Variants in MPDZ observed in about 807,000 individuals in gnomAD.
MPDZ encodes multiple PDZ domain protein.
A neutral mutation model predicts 239.1 loss-of-function variants in MPDZ; 234 were observed. The ratio of observed to expected loss-of-function variants is 0.98; its 90% CI spans 0.88 to 1.09. The LOEUF (loss-of-function observed/expected upper bound fraction) is 1.09. MPDZ is among the 50% of genes least tolerant of loss of function. The pLI is 0.00. For synonymous variants in MPDZ, 1,048 were observed against 881.3 expected, an observed-to-expected ratio of 1.19 and a Z score of -3.35; for missense variants, 3,175 against 2,510.0, an observed-to-expected ratio of 1.26 and a Z score of -5.66.
rs1955649429 is a variant in MPDZ at position 13,196,361 on chromosome 9, T to C, written c.1547-131A>G. The C allele has an allele frequency of 7.9e-6, 4 of 507,844 alleles. No homozygotes were observed. In the East Asian group the frequency reaches 1.2e-4, roughly 16 times the overall value. 31.5% of individuals were successfully genotyped at this position (507,844 alleles called of 1,614,324 possible). A position where few individuals can be genotyped will look rare whatever the true frequency, so the allele number is the denominator to read the frequency against. On this transcript the variant is annotated intron_variant, in intron 12 of 46. Coordinates refer to ENST00000319217, the MANE Select transcript of MPDZ (RefSeq NM_001378778.1). ...ACTCTTCGCCCAATATATGGGCTAT[T>C]CTCATCTCCATAATTATTTAAATAC...
intron 12 of MPDZ, among the ~76,000 whole-genome samples, chr9:13,197,651 A>G (rs114671102): frequency 0.012 from 1,826 of 152,182 alleles, 41 homozygotes; most frequent in African/African-American, 0.041. Flanking sequence ...GACATACACA[A>G]TAAGTTATTA....
At position 13,162,722 on chromosome 9, in the gene MPDZ, C is replaced by T. The variant is rs765728213; in HGVS notation, c.3328G>A (p.Ala1110Thr). 4.3e-6 allele frequency: 7 copies of T among 1,610,622 alleles called. No homozygotes were observed. The highest frequency in any genetic ancestry group is 3.3e-5 in the Admixed American group (2 of 59,842). ...SLGQQSGRVM[A>T]LDIFSSYTGR... ...GTGTATGAAGAAAAAATATCCAGTG[C>T]CATTACTCTTCCAGATTGTTGTCCC... Residue 1110 changes from alanine (A) to threonine (T), a missense_variant, in exon 23 of 47, where the codon GCA (alanine) becomes ACA (threonine). Coordinates refer to ENST00000319217, the MANE Select transcript of MPDZ (RefSeq NM_001378778.1).
At chr9:13,198,737 C>CTGTGTGTGTGTGTGTG (rs1554691393) in intron 12 of MPDZ, among the ~76,000 whole-genome samples, 51 of 69,706 alleles carry the variant, frequency 7.3e-4, no homozygotes, top group African/African-American at 1.9e-3. Flanking sequence ...ATCTCTCTCT[C>CTGTGTGTGTGTGTGTG]TGTGTGTGTG....
intron 19 of MPDZ, among the ~76,000 whole-genome samples, chr9:13,181,646 G>C (rs144501449): frequency 4.4e-4 from 67 of 152,218 alleles, no homozygotes; most frequent in African/African-American, 1.5e-3. Context: ...ACTGCTTGGG[G>C]AAAACAAAAT....
chr9:13,119,593 T>A lies in MPDZ; in HGVS notation c.5288A>T (p.Asp1763Val), dbSNP rs777844320. Residue 1763 changes from aspartate (D) to valine (V), a missense_variant, in exon 39 of 47, where the codon GAT (aspartate) becomes GTT (valine). By Grantham distance (152) the Asp-to-Val change is radical (BLOSUM62 -3). Coordinates refer to ENST00000319217, the MANE Select transcript of MPDZ (RefSeq NM_001378778.1). The stretch of plus-strand genomic sequence containing the variant: ...CTGGTCTCCCTGCATCAGTCTTCCA[T>A]CGGCATCTGCAATTCCTCCTTTGAC... ...DIVKGGIADA[D>V]GRLMQGDQIL... 6.2e-7 allele frequency: 1 copy of A among 1,613,904 alleles called. No individual in the cohort carries two copies. Among genetic ancestry groups the A allele is most frequent in the Non-Finnish European group, 8.5e-7 (1 of 1,179,884 alleles).
intron 1 of MPDZ, among the ~76,000 whole-genome samples, chr9:13,269,644 T>A (rs1972530449): frequency 6.6e-6 from 1 of 152,186 alleles, no homozygotes; most frequent in Non-Finnish European, 1.5e-5. Context: ...TAAAATCTGT[T>A]CACAATAAAA....
At chr9:13,247,594 T>C (rs1157782195) in intron 3 of MPDZ, 41 bp downstream of exon 3, 10 of 1,577,590 alleles carry the variant, frequency 6.3e-6, no homozygotes, top group Non-Finnish European at 6.9e-6. Flanking sequence ...ACAAGATCTA[T>C]GCCATGTCGT....
chr9:13,151,885 CT>C (rs1949220284), intron 24 of MPDZ, among the ~76,000 whole-genome samples: 1 of 119,994 alleles, frequency 8.3e-6, no homozygotes, highest in Non-Finnish European at 1.6e-5. Context: ...TAAGGTTTTA[CT>C]AGTAGTAAAA....
chr9:13,237,529 A>G (rs1043603990), intron 3 of MPDZ, among the ~76,000 whole-genome samples: 1 of 151,838 alleles, frequency 6.6e-6, no homozygotes, highest in African/African-American at 2.4e-5. Context: ...CACAGAAAAC[A>G]CTAATTTGAG....
chr9:13,238,481 G>A (rs187653438), intron 3 of MPDZ, among the ~76,000 whole-genome samples: 26 of 152,106 alleles, frequency 1.7e-4, no homozygotes, highest in Non-Finnish European at 2.5e-4. Flanking sequence ...CCCTTCTTTC[G>A]GATGCCTCTC....
chr9:13,193,721 G>T (rs528797115), intron 13 of MPDZ, among the ~76,000 whole-genome samples: 3 of 151,984 alleles, frequency 2.0e-5, no homozygotes, highest in African/African-American at 7.3e-5. Flanking sequence ...CAGAGACAAC[G>T]GTCTTTAAAA....
chr9:13,123,183 C>G lies in MPDZ; in HGVS notation c.4923G>C (p.Leu1641=). The G allele has an allele frequency of 6.2e-7, 1 of 1,612,134 alleles. No homozygotes were observed. The highest frequency in any genetic ancestry group is 8.5e-7 in the Non-Finnish European group (1 of 1,179,322). The change falls in exon 36 of 47, where the codon CTG becomes CTC. Residue 1641 remains leucine, a synonymous_variant. Coordinates refer to ENST00000319217, the MANE Select transcript of MPDZ (RefSeq NM_001378778.1). ...EISKGRTGLG[L]SIVGGSDTLL... Reference sequence around the variant, plus strand: ...GCGTGTCTGAACCCCCAACGATGCTCAGGCCCAGCCCTGTTCGCCCTTTGG... The same window carrying G: ...GCGTGTCTGAACCCCCAACGATGCTGAGGCCCAGCCCTGTTCGCCCTTTGG...
At chr9:13,219,938 C>T in intron 7 of MPDZ, among the ~76,000 whole-genome samples, 170 bp from the exon 8 acceptor site, 1 of 151,954 alleles carries the variant, frequency 6.6e-6, no homozygotes, top group East Asian at 1.9e-4. Flanking sequence ...ATCCTAACAT[C>T]ATTCAGTGTG....
chr9:13,204,380 G>C (rs1034607710), intron 12 of MPDZ, among the ~76,000 whole-genome samples: 2 of 152,096 alleles, frequency 1.3e-5, no homozygotes, highest in African/African-American at 4.8e-5. Context: ...TTGAGGTCAG[G>C]AGTTTGAGAT....
In MPDZ at chr9:13,236,195, A is replaced by ATGTGTG. The variant is rs1192512851; in HGVS notation, c.183+11439_183+11440insCACACA. Among the ~76,000 whole-genome samples the ATGTGTG allele has an allele frequency of 5.1e-4, 24 of 47,190 alleles. No homozygotes were observed. The East Asian group carries it at 0.023, about 46-fold the overall frequency. The allele number at this position is 47,190 out of a possible 152,430, so 31.0% of individuals were successfully genotyped here. Reference sequence around the variant, plus strand: ...GTTTTGTGTGTGTGTGTTTCTGTATATATGTGTGTGTGTGTGTGTGTGTGT... The same window carrying ATGTGTG: ...GTTTTGTGTGTGTGTGTTTCTGTATATGTGTGTATGTGTGTGTGTGTGTGTGTGTGT... On this transcript the variant is annotated intron_variant, in intron 3 of 46. Coordinates refer to ENST00000319217, the MANE Select transcript of MPDZ (RefSeq NM_001378778.1).
At chr9:13,238,789 G>C (rs936958964) in intron 3 of MPDZ, among the ~76,000 whole-genome samples, 2 of 151,832 alleles carry the variant, frequency 1.3e-5, no homozygotes, top group African/African-American at 4.8e-5. Flanking sequence ...AACTAAAACA[G>C]CAAATCCAAA....
chr9:13,185,009 G>A (rs1033097509), intron 18 of MPDZ, among the ~76,000 whole-genome samples: 4 of 151,890 alleles, frequency 2.6e-5, no homozygotes, highest in Non-Finnish European at 2.9e-5. Context: ...CTATTTCGTC[G>A]GGTACTTTAG....
intron 46 of MPDZ, among the ~76,000 whole-genome samples, chr9:13,108,096 A>T (rs1287240289): frequency 6.6e-6 from 1 of 152,154 alleles, no homozygotes; most frequent in Admixed American, 6.5e-5. Flanking sequence ...AAATATCCAT[A>T]AAGAACTATA....
chr9:13,237,088 CTTG>C (rs529904864), intron 3 of MPDZ, among the ~76,000 whole-genome samples: 16 of 152,138 alleles, frequency 1.1e-4, no homozygotes, highest in Admixed American at 4.6e-4. Flanking sequence ...TACAGTAAAA[CTTG>C]TTAATTTTAT....
Sources: gnomAD v4.1 joint callset for allele counts (sites outside exome capture counted in the v4.1 genomes callset) on GRCh38, gnomAD v4.1.1 for gene constraint, MANE v1.5 for transcripts, NCBI Gene and HGNC (gene_info 2026-07-23, HGNC 2026-07-21) for gene names.